Variants in TDRD7 observed in about 807,000 individuals in gnomAD.
TDRD7 encodes tudor domain containing 7, also known as tudor domain-containing protein 7.
TDRD7 carries 47 observed loss-of-function variants against 109.8 expected under a neutral mutation model. The ratio of observed to expected loss-of-function variants is 0.43; its 90% CI spans 0.34 to 0.55. The LOEUF is 0.55. Among genes scored for constraint, TDRD7 ranks in the 20% least tolerant of loss-of-function variants. TDRD7 has a pLI of 0.03. For missense variants in TDRD7, 1,164 were observed against 1,319.2 expected (o/e 0.88, Z 1.82); for synonymous variants, 424 against 457.3 (o/e 0.93, Z 0.93).
chr9:97,429,415 A>G (rs997865356), intron 2 of TDRD7, among the ~76,000 whole-genome samples: 4 of 152,040 alleles, frequency 2.6e-5, no homozygotes, highest in Non-Finnish European at 5.9e-5. Flanking sequence ...CTCATACACT[A>G]TGGTTTCCTG....
At chr9:97,415,774 CTA>C (rs1423248278) in intron 1 of TDRD7, among the ~76,000 whole-genome samples, 3 of 152,186 alleles carry the variant, frequency 2.0e-5, no homozygotes, top group African/African-American at 7.2e-5. Context: ...GTTGAAATTC[CTA>C]TGATATACTT....
intron 6 of TDRD7, among the ~76,000 whole-genome samples, chr9:97,444,090 C>T (rs1828357959): frequency 6.6e-6 from 1 of 152,152 alleles, no homozygotes; most frequent in Non-Finnish European, 1.5e-5. Flanking sequence ...AAAAACTTTT[C>T]CTAAAATGAA....
chr9:97,437,462 A>G (rs1486706912), intron 4 of TDRD7, among the ~76,000 whole-genome samples: 1 of 152,182 alleles, frequency 6.6e-6, no homozygotes, highest in Non-Finnish European at 1.5e-5. Flanking sequence ...AGATTATACT[A>G]GCAAAGTTGA....
At chr9:97,463,764 T>G (rs891188526) in intron 7 of TDRD7, among the ~76,000 whole-genome samples, 7 of 152,106 alleles carry the variant, frequency 4.6e-5, no homozygotes, top group African/African-American at 1.4e-4. Flanking sequence ...TTTGATAACA[T>G]GAACTGGAAC....
chr9:97,441,954 C>T, intron 6 of TDRD7, 79 bp downstream of exon 6: 2 of 1,182,674 alleles, frequency 1.7e-6, no homozygotes, highest in South Asian at 2.5e-5. Flanking sequence ...GTCATATCAC[C>T]TTTTATCCCC....
chr9:97,456,111 T>A (rs993153694), intron 6 of TDRD7, among the ~76,000 whole-genome samples: 2 of 152,096 alleles, frequency 1.3e-5, no homozygotes, highest in Non-Finnish European at 2.9e-5. Context: ...GGAACACAGC[T>A]AACAAAGGAC....
intron 4 of TDRD7, among the ~76,000 whole-genome samples, chr9:97,437,484 T>G (rs1828224133): frequency 6.6e-6 from 1 of 152,202 alleles, no homozygotes; most frequent in African/African-American, 2.4e-5. Flanking sequence ...ATTAGAATCT[T>G]CTGTAATCTA....
At chr9:97,450,677 A>G (rs1280347237) in intron 6 of TDRD7, among the ~76,000 whole-genome samples, 4 of 152,170 alleles carry the variant, frequency 2.6e-5, no homozygotes, top group African/African-American at 9.7e-5. Context: ...GGATACATAT[A>G]GTAGTAGGTC....
intron 5 of TDRD7, among the ~76,000 whole-genome samples, chr9:97,439,989 A>G (rs752482693): frequency 6.6e-6 from 1 of 152,188 alleles, no homozygotes; most frequent in Non-Finnish European, 1.5e-5. Flanking sequence ...TGTGAAATGT[A>G]AATGTGATTT....
chr9:97,490,927 T>TTTTTTTTC (rs1829298565), intron 16 of TDRD7, among the ~76,000 whole-genome samples: 1 of 140,684 alleles, frequency 7.1e-6, no homozygotes, highest in Admixed American at 7.0e-5. Context: ...TTTTTTTTTT[T>TTTTTTTTC]TTTTTTGAGA....
chr9:97,423,632 CTTCT>C (rs1298399170), intron 1 of TDRD7, among the ~76,000 whole-genome samples: 4 of 152,028 alleles, frequency 2.6e-5, no homozygotes, highest in African/African-American at 4.8e-5. Context: ...TGCCACTTTT[CTTCT>C]TTCTAACAGA....
rs58346828 is a variant in TDRD7 at position 97,470,864 on chromosome 9, T to C, written c.1741+195T>C. 0.012 allele frequency among the ~76,000 whole-genome samples: 1,828 copies of C among 152,358 alleles called. 40 individuals are homozygous for C. The highest frequency in any genetic ancestry group is 0.041 in the African/African-American group (1,723 of 41,594). On this transcript the variant is annotated intron_variant, in intron 9 of 16. Coordinates refer to ENST00000355295, the MANE Select transcript of TDRD7 (RefSeq NM_014290.3). The stretch of plus-strand genomic sequence containing the variant: ...TGTTATGTTTTTATATTTTGTGTTA[T>C]ATATAAAAACGTATTATAATTTCTT...
At chr9:97,431,885 T>A in intron 3 of TDRD7, 140 bp from the exon 4 acceptor site, 1 of 803,766 alleles carries the variant, frequency 1.2e-6, no homozygotes, top group South Asian at 1.4e-5. Context: ...TGACCAGCCC[T>A]CCAGTGGCAA....
At chr9:97,435,059 G>A (rs1172623476) in intron 4 of TDRD7, among the ~76,000 whole-genome samples, 1 of 152,118 alleles carries the variant, frequency 6.6e-6, no homozygotes, top group East Asian at 1.9e-4. Flanking sequence ...AGAGCAAGAG[G>A]AACCCTTGTA....
chr9:97,412,971 A>G lies in TDRD7; in HGVS notation c.-7+733A>G, dbSNP rs147743820. Among the ~76,000 whole-genome samples, 3 of 152,284 alleles carry G rather than the reference A, an allele frequency of 2.0e-5. No individual in the cohort carries two copies. The East Asian group carries it at 5.8e-4, about 29-fold the overall frequency. ...CCATTCACTTGAGAGGTATATTTCC[A>G]TTAATAGCTAAAGGTACCATTCTCA... On this transcript the variant is annotated intron_variant, in intron 1 of 16. Transcript: ENST00000355295. This position sits in a 1 kb window ranked among gnomAD's most constrained non-coding sequence, Gnocchi z 4.3.
At chr9:97,423,701 A>C (rs184530074) in intron 1 of TDRD7, among the ~76,000 whole-genome samples, 118 of 152,278 alleles carry the variant, frequency 7.7e-4, no homozygotes, top group African/African-American at 2.7e-3. Context: ...GCAAAATTTT[A>C]CATTTGTGTC....
intron 4 of TDRD7, among the ~76,000 whole-genome samples, chr9:97,438,314 CT>C: frequency 6.6e-6 from 1 of 152,240 alleles, no homozygotes; most frequent in East Asian, 1.9e-4. Flanking sequence ...AGAAAATGTG[CT>C]TCATTTCAAG....
chr9:97,420,578 TAA>T (rs980275234), intron 1 of TDRD7, among the ~76,000 whole-genome samples: 3 of 152,172 alleles, frequency 2.0e-5, no homozygotes, highest in East Asian at 3.8e-4. Context: ...TAGCATAATA[TAA>T]GAGTCATGCA....
chr9:97,480,876 A>G lies in TDRD7; in HGVS notation c.2350A>G (p.Thr784Ala), dbSNP rs779136648. 12 of 1,614,038 alleles carry G rather than the reference A, an allele frequency of 7.4e-6. No homozygotes were observed. The South Asian group carries it at 9.9e-5, about 13-fold the overall frequency. ...TCTTCCACAATCTATTGGCATGTGG[A>G]CACCAGATGCAGTGCTGTGGTTAAG... ...ADLPQSIGMWTPDAVLWLRDS... is the reference protein window; with the variant it reads ...ADLPQSIGMWAPDAVLWLRDS... Residue 784 changes from threonine to alanine, a missense_variant, in exon 14 of 17, where the codon ACA becomes GCA. Transcript: ENST00000355295.
Sources: gnomAD v4.1 joint callset for allele counts (sites outside exome capture counted in the v4.1 genomes callset) on GRCh38, gnomAD v4.1.1 for gene constraint, Gnocchi (gnomAD v3.1) non-coding constraint, MANE v1.5 for transcripts, NCBI Gene and HGNC (gene_info 2026-07-23, HGNC 2026-07-21) for gene names.